GALNT7: variants seen among roughly 807,000 people sequenced by gnomAD.
The protein encoded by GALNT7 is polypeptide N-acetylgalactosaminyltransferase 7.
In GALNT7, 60 loss-of-function variants were observed where a neutral mutation model predicts 82.1. The ratio of observed to expected loss-of-function variants is 0.73; its 90% CI spans 0.59 to 0.91. The LOEUF (loss-of-function observed/expected upper bound fraction) is 0.91. Ranked by LOEUF, GALNT7 falls within the 40% of genes least tolerant of loss-of-function variation. The probability of loss-of-function intolerance (pLI) is 0.00; values close to 1 mark genes in which losing one functional copy is unlikely to be tolerated. For synonymous variants in GALNT7, 243 were observed against 275.1 expected, an observed-to-expected ratio of 0.88 and a Z score of 1.15; for missense variants, 660 against 804.2, an observed-to-expected ratio of 0.82 and a Z score of 2.17.
At chr4:173,317,365 A>G (rs1737641491) in intron 9 of GALNT7, 1 of 269,548 alleles carries the variant, frequency 3.7e-6, no homozygotes, top group African/African-American at 2.3e-5. Flanking sequence ...AATTGCAATT[A>G]ATGGTAACTT....
At chr4:173,303,155 A>G (rs1737013487) in intron 7 of GALNT7, among the ~76,000 whole-genome samples, 1 of 151,912 alleles carries the variant, frequency 6.6e-6, no homozygotes, top group African/African-American at 2.4e-5. Context: ...AGATCGCACC[A>G]CTGCACTCCA....
intron 1 of GALNT7, among the ~76,000 whole-genome samples, chr4:173,233,422 C>T (rs1734107729): frequency 1.3e-5 from 2 of 152,130 alleles, no homozygotes; most frequent in East Asian, 3.8e-4. Context: ...TTGATAAGAA[C>T]CTTTCTGACT....
intron 2 of GALNT7, among the ~76,000 whole-genome samples, chr4:173,273,210 G>A (rs1185418118): frequency 6.6e-6 from 1 of 152,190 alleles, no homozygotes; most frequent in Non-Finnish European, 1.5e-5. Context: ...CACTCACTGA[G>A]TGATGAAACA....
At chr4:173,181,340 G>A (rs1014944633) in intron 1 of GALNT7, among the ~76,000 whole-genome samples, 10 of 152,238 alleles carry the variant, frequency 6.6e-5, no homozygotes, top group Admixed American at 2.0e-4. Context: ...TCCAGTGTTC[G>A]TCAAAGAGGC....
intron 1 of GALNT7, among the ~76,000 whole-genome samples, chr4:173,223,948 T>C (rs895815558): frequency 3.3e-5 from 5 of 152,164 alleles, no homozygotes; most frequent in African/African-American, 1.2e-4. Context: ...TGACGTCAGG[T>C]TGTTTCATCG....
chr4:173,316,072 CCTT>C lies in GALNT7; in HGVS notation c.1609-1556_1609-1554del, dbSNP rs1283899615. 3 of 152,386 alleles carry C rather than the reference CCTT, an allele frequency of 2.0e-5. No homozygotes were observed. The East Asian group carries it at 5.8e-4, about 29-fold the overall frequency. The allele number at this position is 152,386 out of a possible 1,614,324, so 9.4% of individuals were successfully genotyped here. On this transcript the variant is annotated intron_variant, in intron 9 of 11. Coordinates refer to ENST00000265000, the MANE Select transcript of GALNT7 (RefSeq NM_017423.3). ...GTTTTAAAATAAAGGCAAATCATGT[CCTT>C]CTTCTGCTAGAAACCCTGCACCTTC... is the stretch of plus-strand genomic sequence containing the variant.
At chr4:173,203,957 A>T (rs2126658148) in intron 1 of GALNT7, among the ~76,000 whole-genome samples, 1 of 152,294 alleles carries the variant, frequency 6.6e-6, no homozygotes, top group African/African-American at 2.4e-5. Context: ...TCATATTACT[A>T]ATTAGCATCC....
chr4:173,255,936 C>A, intron 2 of GALNT7, among the ~76,000 whole-genome samples: 1 of 152,150 alleles, frequency 6.6e-6, no homozygotes, highest in East Asian at 1.9e-4. Context: ...ATATATGTTT[C>A]TTTGATGCAT....
At chr4:173,206,226 C>T (rs1579910272) in intron 1 of GALNT7, among the ~76,000 whole-genome samples, 1 of 152,200 alleles carries the variant, frequency 6.6e-6, no homozygotes. Context: ...CTCCTTCCCC[C>T]ATACTGAGGA....
intron 2 of GALNT7, among the ~76,000 whole-genome samples, chr4:173,278,659 A>G (rs941974886): frequency 1.3e-5 from 2 of 152,224 alleles, no homozygotes; most frequent in African/African-American, 4.8e-5. Context: ...GGGGAGAAAA[A>G]TTTTAGGGAA....
In GALNT7 at chr4:173,298,521, C is replaced by G. The variant is rs1736805076; in HGVS notation, c.1148+224C>G. The G allele has an allele frequency of 2.0e-5, 8 of 408,552 alleles. No individual in the cohort carries two copies. In the East Asian group the frequency reaches 3.1e-4, roughly 16 times the overall value. 25.3% of individuals were successfully genotyped at this position (408,552 alleles called of 1,614,324 possible). The stretch of plus-strand genomic sequence containing the variant: ...TCCACTACTGAGACGTACACACTTT[C>G]ATTGGGGAAAGAAAAATAATGTAAC... On this transcript the variant is annotated intron_variant, in intron 6 of 11. Transcript: ENST00000265000.
intron 1 of GALNT7, among the ~76,000 whole-genome samples, chr4:173,210,541 C>T (rs1485249737): frequency 1.3e-5 from 2 of 152,120 alleles, no homozygotes; most frequent in East Asian, 3.9e-4. Flanking sequence ...GCAGCTGCCG[C>T]CTCCCGAGTC....
intron 5 of GALNT7, among the ~76,000 whole-genome samples, chr4:173,297,375 A>G (rs1736753670): frequency 6.6e-6 from 1 of 152,184 alleles, no homozygotes; most frequent in Non-Finnish European, 1.5e-5. Flanking sequence ...AACCGCTAAG[A>G]ATGTGGCAAG....
chr4:173,215,831 CG>C (rs1204642584), intron 1 of GALNT7, among the ~76,000 whole-genome samples: 3 of 152,102 alleles, frequency 2.0e-5, no homozygotes, highest in African/African-American at 7.2e-5. Context: ...TTTAAAAGGC[CG>C]GGTGCAGTGG....
chr4:173,240,311 G>A (rs1343506971), intron 1 of GALNT7, among the ~76,000 whole-genome samples: 1 of 148,840 alleles, frequency 6.7e-6, no homozygotes, highest in African/African-American at 2.5e-5. Flanking sequence ...ACTTACTAAT[G>A]TATCTACTTG....
Position 173,322,245 on chromosome 4 carries a change from C to T in GALNT7, c.*528C>T, listed in dbSNP as rs1329580902. The T allele has an allele frequency of 6.5e-6, 1 of 153,436 alleles. No individual in the cohort carries two copies. Among genetic ancestry groups the T allele is most frequent in the African/African-American group, 2.4e-5 (1 of 41,450 alleles). 9.5% of individuals were successfully genotyped at this position (153,436 alleles called of 1,614,324 possible). ...TGCTGCTTTTTTGAAAGGTGAATTT[C>T]AACACATTTAGTGCCTCTTTCATTT... On this transcript the variant is annotated 3_prime_UTR_variant, in exon 12 of 12. Transcript: ENST00000265000.
At chr4:173,205,394 A>T (rs937817213) in intron 1 of GALNT7, among the ~76,000 whole-genome samples, 1 of 151,894 alleles carries the variant, frequency 6.6e-6, no homozygotes, top group East Asian at 1.9e-4. Context: ...GCCTTGGTTC[A>T]TGGGTCCAGC....
At position 173,261,481 on chromosome 4, in the gene GALNT7, G is replaced by T. The variant is rs115499952; in HGVS notation, c.587+13041G>T. On this transcript the variant is annotated intron_variant, in intron 2 of 11. Coordinates refer to ENST00000265000, the MANE Select transcript of GALNT7 (RefSeq NM_017423.3). Reference sequence around the variant, plus strand: ...TGCACTACACTTATTTAATAACTTGGCTTGTCAGAGCTTACAGAGCACCCT... The same window carrying T: ...TGCACTACACTTATTTAATAACTTGTCTTGTCAGAGCTTACAGAGCACCCT... Among the ~76,000 whole-genome samples, 17 of 152,046 alleles carry T rather than the reference G, an allele frequency of 1.1e-4. No individual in the cohort carries two copies. The East Asian group carries it at 3.1e-3, about 28-fold the overall frequency.
intron 11 of GALNT7, among the ~76,000 whole-genome samples, chr4:173,319,332 C>G (rs1737720245): frequency 6.6e-6 from 1 of 152,058 alleles, no homozygotes. Flanking sequence ...TTATCATATC[C>G]CATCTGTCAT....
Sources: allele counts gnomAD v4.1 joint callset (sites outside exome capture counted in the v4.1 genomes callset), GRCh38; gene constraint gnomAD v4.1.1; transcripts MANE v1.5; gene names NCBI Gene and HGNC (gene_info 2026-07-23, HGNC 2026-07-21).